Variants in MED23 observed in about 807,000 individuals in gnomAD.
MED23 encodes the protein mediator complex subunit 23.
Under a neutral mutation model 163.9 loss-of-function variants are expected in MED23, and 105 were observed. That is an observed-to-expected ratio of 0.64 (90% CI 0.55 to 0.75). MED23 has a LOEUF of 0.75. Among genes scored for constraint, MED23 ranks in the 30% least tolerant of loss-of-function variants. MED23 has a pLI of 0.00. For synonymous variants in MED23, 561 were observed against 565.6 expected (o/e 0.99, Z 0.12); for missense variants, 1,054 against 1,649.0 (o/e 0.64, Z 6.25).
intron 28 of MED23, among the ~76,000 whole-genome samples, chr6:131,588,357 C>T (rs568069859): frequency 2.3e-4 from 35 of 152,276 alleles, no homozygotes; most frequent in South Asian, 1.2e-3. Flanking sequence ...AATATTAGAT[C>T]TACTCTTTTG....
intron 27 of MED23, 126 bp downstream of exon 27, chr6:131,590,196 T>C (rs1774496739): frequency 1.1e-6 from 1 of 879,818 alleles, no homozygotes; most frequent in Admixed American, 2.1e-5. Flanking sequence ...AAATTGCTCT[T>C]GGATCCTGTT....
At chr6:131,603,672 G>A (rs1429553581) in intron 15 of MED23, among the ~76,000 whole-genome samples, 1 of 152,024 alleles carries the variant, frequency 6.6e-6, no homozygotes, top group Non-Finnish European at 1.5e-5. Context: ...AGACTATGCT[G>A]TATTCGTGAA....
chr6:131,611,343 T>C (rs952037472), intron 10 of MED23, among the ~76,000 whole-genome samples: 1 of 152,168 alleles, frequency 6.6e-6, no homozygotes, highest in African/African-American at 2.4e-5. Flanking sequence ...TAGCTGTAGT[T>C]TCTTAAAGCA....
downstream of MED23, chr6:131,582,682 A>G (rs1773991045): frequency 1.9e-6 from 3 of 1,613,856 alleles, no homozygotes; most frequent in East Asian, 6.7e-5. Context: ...GATATTGTGT[A>G]TATTGGCTTG....
chr6:131,590,669 C>T (rs1774540731), intron 26 of MED23, among the ~76,000 whole-genome samples: 1 of 152,128 alleles, frequency 6.6e-6, no homozygotes, highest in African/African-American at 2.4e-5. Context: ...CACACTGTTG[C>T]CTGGGCTGGA....
rs139275355 is a variant in MED23, at chr6:131,609,494, T to C, written c.1077+552A>G. 3.2e-3 allele frequency among the ~76,000 whole-genome samples: 469 copies of C among 147,348 alleles called. 4 individuals carry two copies. The highest frequency in any genetic ancestry group is 0.011 in the African/African-American group (453 of 39,858). On this transcript the variant is annotated intron_variant, in intron 11 of 28. Coordinates refer to ENST00000368068, the MANE Select transcript of MED23 (RefSeq NM_004830.4). ...ATACAGCCATCCCTGATATTTCTGA[T>C]AGAGACTATTCCTTTTTTTTTTTTT...
At chr6:131,591,561 C>G (rs1383012490) in intron 25 of MED23, 34 bp from the exon 26 acceptor site, 1 of 1,483,016 alleles carries the variant, frequency 6.7e-7, no homozygotes, top group African/African-American at 1.4e-5. Flanking sequence ...TGAAAAATAT[C>G]ACTTATCCAG....
intron 10 of MED23, among the ~76,000 whole-genome samples, chr6:131,614,925 C>T (rs1367145705): frequency 2.0e-5 from 3 of 151,284 alleles, no homozygotes; most frequent in Non-Finnish European, 4.4e-5. Flanking sequence ...ATAAAGGCCA[C>T]CACAAATCTT....
intron 10 of MED23, among the ~76,000 whole-genome samples, chr6:131,613,482 G>A (rs1241755975): frequency 3.3e-5 from 5 of 152,162 alleles, no homozygotes; most frequent in Admixed American, 3.3e-4. Context: ...AGAAAGTATA[G>A]TGTAGGATGT....
intron 24 of MED23, 114 bp downstream of exon 24, chr6:131,592,892 T>C: frequency 1.7e-6 from 2 of 1,205,076 alleles, no homozygotes; most frequent in South Asian, 1.3e-5. Context: ...AAAACAGTCA[T>C]CATCCAATGT....
intron 12 of MED23, among the ~76,000 whole-genome samples, chr6:131,607,329 A>G (rs1305592045): frequency 6.6e-6 from 1 of 151,850 alleles, no homozygotes; most frequent in Non-Finnish European, 1.5e-5. Context: ...CAGATCACCT[A>G]AGGTCAGGAG....
At chr6:131,609,771 C>A (rs1055572595) in intron 11 of MED23, among the ~76,000 whole-genome samples, 1 of 148,080 alleles carries the variant, frequency 6.8e-6, no homozygotes. Context: ...TAAAGTATCC[C>A]CTCCTCTAGT....
At chr6:131,608,757 G>T (rs955851653) in intron 11 of MED23, among the ~76,000 whole-genome samples, 12 of 152,130 alleles carry the variant, frequency 7.9e-5, no homozygotes, top group Admixed American at 3.3e-4. Context: ...GGAGAAGGTG[G>T]TTGAAAGGAT....
intron 22 of MED23, among the ~76,000 whole-genome samples, chr6:131,595,172 C>CCA (rs1384437225): frequency 6.6e-6 from 1 of 152,172 alleles, no homozygotes; most frequent in African/African-American, 2.4e-5. Context: ...ACTGACCCTG[C>CCA]CACTCTCCAG....
intron 17 of MED23, 152 bp downstream of exon 17, chr6:131,602,066 T>G: frequency 1.2e-6 from 1 of 820,544 alleles, no homozygotes; most frequent in Non-Finnish European, 2.0e-6. Flanking sequence ...AGAGCTTCCA[T>G]AAATGAGTGA....
intron 16 of MED23, 37 bp from the exon 17 acceptor site, chr6:131,602,418 T>G: frequency 6.3e-7 from 1 of 1,590,684 alleles, no homozygotes; most frequent in Non-Finnish European, 8.6e-7. Context: ...TGTAAAAAAA[T>G]TTCAGAATTA....
At chr6:131,615,781 T>C in intron 10 of MED23, 126 bp downstream of exon 10, 2 of 713,802 alleles carry the variant, frequency 2.8e-6, no homozygotes, top group South Asian at 1.6e-5. Flanking sequence ...TAAAAAACCA[T>C]GTATATTTTT....
intron 15 of MED23, among the ~76,000 whole-genome samples, chr6:131,603,822 G>A (rs1240944947): frequency 3.3e-5 from 5 of 152,024 alleles, no homozygotes; most frequent in African/African-American, 7.3e-5. Flanking sequence ...GTCAGACTTC[G>A]TATGCACTGG....
chr6:131,620,014 T>C (rs1776976522), intron 7 of MED23, 118 bp from the exon 8 acceptor site: 4 of 720,502 alleles, frequency 5.6e-6, no homozygotes, highest in South Asian at 4.4e-5. Flanking sequence ...AGATTGCACA[T>C]GATAACTGTT....
Sources: allele counts gnomAD v4.1 joint callset (sites outside exome capture counted in the v4.1 genomes callset), GRCh38; gene constraint gnomAD v4.1.1; transcripts MANE v1.5; gene names NCBI Gene and HGNC (gene_info 2026-07-23, HGNC 2026-07-21).